The following MSH6 variants were observed in gnomAD, a reference collection of about 807,000 sequenced individuals.
The protein encoded by MSH6 is DNA mismatch repair protein Msh6.
MSH6 carries 85 observed loss-of-function variants against 119.1 expected under a neutral mutation model. The ratio of observed to expected loss-of-function variants is 0.71; its 90% confidence interval spans 0.60 to 0.85. The LOEUF is 0.85. Among genes scored for constraint, MSH6 ranks in the 40% least tolerant of loss-of-function variants. The probability of loss-of-function intolerance (pLI) is 0.00; values close to 1 mark genes in which losing one functional copy is unlikely to be tolerated. For synonymous variants in MSH6, 830 were observed against 586.9 expected (o/e 1.41, Z -5.99); for missense variants, 2,163 against 1,655.3 (o/e 1.31, Z -5.32).
intron 1 of MSH6, among the ~76,000 whole-genome samples, chr2:47,787,978 G>T (rs539189703): frequency 1.7e-4 from 26 of 152,004 alleles, no homozygotes; most frequent in Non-Finnish European, 2.1e-4. Flanking sequence ...AAGAATTCAG[G>T]TTTACACACA....
intron 6 of MSH6, among the ~76,000 whole-genome samples, chr2:47,805,346 A>AT (rs1175912445): frequency 6.6e-6 from 1 of 152,016 alleles, no homozygotes; most frequent in Non-Finnish European, 1.5e-5. Context: ...CGCCCAGCTA[A>AT]TTTTTTGTAT....
chr2:47,796,536 C>T (rs907201595), intron 3 of MSH6, among the ~76,000 whole-genome samples: 3 of 152,208 alleles, frequency 2.0e-5, no homozygotes, highest in African/African-American at 7.2e-5. Flanking sequence ...GCCACAGCAC[C>T]CAGCCCCAGC....
chr2:47,794,887 C>T (rs3136306), intron 2 of MSH6, among the ~76,000 whole-genome samples: 214 of 152,032 alleles, frequency 1.4e-3, no homozygotes, highest in African/African-American at 5.0e-3. Flanking sequence ...CTCTGCCTCC[C>T]GGGTTCAAGT....
At chr2:47,791,935 C>T (rs1053150813) in intron 2 of MSH6, among the ~76,000 whole-genome samples, 1 of 152,106 alleles carries the variant, frequency 6.6e-6, no homozygotes, top group Admixed American at 6.6e-5. Flanking sequence ...CAACCGCCAC[C>T]TCCCGGGTTC....
In MSH6 at chr2:47,803,484, T is replaced by A. The variant is rs2104474842; in HGVS notation, c.3237T>A (p.Ile1079=). The A allele has an allele frequency of 6.2e-7, 1 of 1,614,154 alleles. No individual in the cohort carries two copies. The highest frequency in any genetic ancestry group is 8.5e-7 in the Non-Finnish European group (1 of 1,180,032). The change falls in exon 5 of 10, where the codon ATT becomes ATA. Residue 1079 remains isoleucine (I), a synonymous_variant. Coordinates refer to ENST00000234420, the MANE Select transcript of MSH6 (RefSeq NM_000179.3). ...ATGGTCCTATGTGTCGCCCAGTAAT[T>A]CTGTTGCCGGAAGATACCCCCCCCT... is the stretch of plus-strand genomic sequence containing the variant. ...GGDGPMCRPV[I]LLPEDTPPFL...
chr2:47,808,932 A>C (rs115277608), downstream of MSH6: 17 of 398,772 alleles, frequency 4.3e-5, no homozygotes, highest in South Asian at 2.9e-4. Flanking sequence ...CCTGGGCTCC[A>C]GTGATCCTCC....
At chr2:47,783,626 G>A in intron 1 of MSH6, 133 bp downstream of exon 1, 1 of 955,408 alleles carries the variant, frequency 1.0e-6, no homozygotes, top group Non-Finnish European at 1.5e-6. Context: ...CGGGGCCGCA[G>A]AGTTGGCTTG....
downstream of MSH6, chr2:47,809,948 G>T: frequency 2.0e-6 from 1 of 502,154 alleles, no homozygotes; most frequent in Non-Finnish European, 3.5e-6. Flanking sequence ...TTAAATACAT[G>T]ATACTTGGAT....
At chr2:47,809,434 A>T, downstream of MSH6, 1 of 691,490 alleles carries the variant, frequency 1.4e-6, no homozygotes, top group Non-Finnish European at 2.4e-6. Flanking sequence ...TTTTCCTTGT[A>T]TAAGATACTC....
intron 9 of MSH6, 48 bp downstream of exon 9, chr2:47,806,699 C>CAAAGA: frequency 6.4e-7 from 1 of 1,571,488 alleles, no homozygotes; most frequent in Non-Finnish European, 8.7e-7. Flanking sequence ...CCTTAAGTTT[C>CAAAGA]AAAGAAACAG....
intron 5 of MSH6, 73 bp from the exon 6 acceptor site, chr2:47,804,837 T>A: frequency 8.7e-7 from 1 of 1,145,242 alleles, no homozygotes; most frequent in African/African-American, 1.5e-5. Flanking sequence ...TACGTAAGGG[T>A]TCATAAGAAA....
At chr2:47,789,291 G>C (rs911728640) in intron 1 of MSH6, 3 of 373,930 alleles carry the variant, frequency 8.0e-6, no homozygotes, top group Non-Finnish European at 1.6e-5. Context: ...GTATATAAAG[G>C]ATAAAATGAT....
intron 2 of MSH6, 130 bp downstream of exon 2, chr2:47,791,253 G>A: frequency 1.2e-6 from 1 of 829,634 alleles, no homozygotes; most frequent in South Asian, 1.6e-5. Context: ...ATTGCAAGGG[G>A]TGGCAGTTGT....
Position 47,800,140 on chromosome 2 carries a change from T to C in MSH6, c.2157T>C (p.Thr719=), listed in dbSNP as rs2104391589. Reference sequence around the variant, plus strand: ...CCTTGGATTCTGACACAGTCAGCACTACAAGATCTGGTGCTATCTTCACCA... The same window carrying C: ...CCTTGGATTCTGACACAGTCAGCACCACAAGATCTGGTGCTATCTTCACCA... ...YIPLDSDTVS[T]TRSGAIFTKA... is the part of the protein sequence containing the mutation. The change falls in exon 4 of 10, where the codon ACT becomes ACC. Residue 719 remains threonine (T), a synonymous_variant. Transcript: ENST00000234420. The C allele has an allele frequency of 6.2e-7, 1 of 1,614,204 alleles. No homozygotes were observed. The highest frequency in any genetic ancestry group is 1.1e-5 in the South Asian group (1 of 91,084).
chr2:47,800,787 C>CT lies in MSH6; in HGVS notation c.2805dup (p.Asp936Ter), dbSNP rs876659189. 1.9e-6 allele frequency: 3 copies of CT among 1,614,118 alleles called. No homozygotes were observed. Among genetic ancestry groups the CT allele is most frequent in the Middle Eastern group, 1.6e-4 (1 of 6,062 alleles). On this transcript the variant is annotated frameshift_variant, in exon 4 of 10. Coordinates refer to ENST00000234420, the MANE Select transcript of MSH6 (RefSeq NM_000179.3). LOFTEE classifies it high-confidence loss of function. ...ATTACTCCCAAAGCAGGCTTTGACT[C>CT]TGATTATGACCAAGCTCTTGCTGAC... is the stretch of plus-strand genomic sequence containing the variant.
chr2:47,799,722 C>T lies in MSH6; in HGVS notation c.1739C>T (p.Ser580Leu), dbSNP rs41295270. The change falls in exon 4 of 10, where the codon TCG becomes TTG. Residue 580 changes from serine (S) to leucine (L), a missense_variant. Coordinates refer to ENST00000234420, the MANE Select transcript of MSH6 (RefSeq NM_000179.3). Reference sequence around the variant, plus strand: ...CAGTTTTCAGATGATCGCCATTGTTCGAGATTTAGGACTCTAGTGGCACAC... The same window carrying T: ...CAGTTTTCAGATGATCGCCATTGTTTGAGATTTAGGACTCTAGTGGCACAC... ...IGQFSDDRHC[S>L]RFRTLVAHYP... The T allele has an allele frequency of 1.3e-4, 202 of 1,614,078 alleles. No individual in the cohort carries two copies. The highest frequency in any genetic ancestry group is 1.6e-4 in the Middle Eastern group (1 of 6,062).
intron 1 of MSH6, among the ~76,000 whole-genome samples, chr2:47,786,321 A>G (rs540044673): frequency 2.6e-5 from 4 of 152,008 alleles, no homozygotes; most frequent in Non-Finnish European, 5.9e-5. Flanking sequence ...TTTAAGCCTT[A>G]AAACATGTTG....
chr2:47,807,097 G>A, downstream of MSH6: 1 of 512,528 alleles, frequency 2.0e-6, no homozygotes, highest in Non-Finnish European at 3.5e-6. Flanking sequence ...TATACCCACT[G>A]TCACCAATAC....
At chr2:47,807,203 T>TTGTC (rs527978619), downstream of MSH6, 104 of 260,530 alleles carry the variant, frequency 4.0e-4, no homozygotes, top group African/African-American at 2.2e-3. Context: ...TCCAGCAGTT[T>TTGTC]TGTCTAAACT....
Sources: allele counts gnomAD v4.1 joint callset (sites outside exome capture counted in the v4.1 genomes callset), GRCh38; gene constraint gnomAD v4.1.1; transcripts MANE v1.5; gene names NCBI Gene and HGNC (gene_info 2026-07-23, HGNC 2026-07-21).